SLC2A13: variants seen among roughly 807,000 people sequenced by gnomAD.
The protein encoded by SLC2A13 is proton myo-inositol cotransporter.
SLC2A13 carries 32 observed loss-of-function variants against 64.4 expected under a neutral mutation model. The ratio of observed to expected loss-of-function variants is 0.50; its 90% CI spans 0.37 to 0.67. The LOEUF (loss-of-function observed/expected upper bound fraction) is 0.67, where lower values mean the gene tolerates loss of function less well. Among genes scored for constraint, SLC2A13 ranks in the 30% least tolerant of loss-of-function variants. The pLI, the probability that SLC2A13 is intolerant of heterozygous loss-of-function variation, is 0.00. For synonymous variants in SLC2A13, 338 were observed against 327.1 expected (o/e 1.03, Z -0.36); for missense variants, 743 against 829.2 (o/e 0.90, Z 1.28).
chr12:39,847,470 T>C (rs1234321586), intron 6 of SLC2A13, among the ~76,000 whole-genome samples: 1 of 152,118 alleles, frequency 6.6e-6, no homozygotes. Context: ...CAGGAAGACT[T>C]CAAAGGGAGC....
chr12:39,846,236 T>C (rs887610831), intron 6 of SLC2A13, among the ~76,000 whole-genome samples: 4 of 152,150 alleles, frequency 2.6e-5, no homozygotes, highest in Non-Finnish European at 5.9e-5. Context: ...ATAGGTATTT[T>C]ATAGGTATTA....
chr12:40,080,843 T>C (rs773152078), intron 1 of SLC2A13, among the ~76,000 whole-genome samples: 3 of 152,232 alleles, frequency 2.0e-5, no homozygotes, highest in Non-Finnish European at 2.9e-5. Context: ...GATAATAGTA[T>C]TTCATTTCCA....
At chr12:39,925,705 A>G (rs1945715882) in intron 4 of SLC2A13, among the ~76,000 whole-genome samples, 1 of 152,200 alleles carries the variant, frequency 6.6e-6, no homozygotes. Flanking sequence ...CACTACTAGT[A>G]ATGCTAGCCC....
chr12:39,791,345 T>C (rs2135763956), intron 7 of SLC2A13, among the ~76,000 whole-genome samples: 1 of 66,962 alleles, frequency 1.5e-5, no homozygotes, highest in Admixed American at 1.9e-4. Flanking sequence ...ACCACTCCTA[T>C]TCAACATAGT....
intron 7 of SLC2A13, among the ~76,000 whole-genome samples, chr12:39,783,260 C>G (rs1163970395): frequency 1.3e-5 from 2 of 152,164 alleles, no homozygotes; most frequent in African/African-American, 4.8e-5. Flanking sequence ...TTTCTTAATT[C>G]ACTCTATCAC....
In SLC2A13 at chr12:39,871,787, C is replaced by A; in HGVS notation, c.1198+11G>T. 6.3e-7 allele frequency: 1 copy of A among 1,580,736 alleles called. No homozygotes were observed. The highest frequency in any genetic ancestry group is 1.4e-5 in the African/African-American group (1 of 73,172). ...AAAGTTTATAATTGAATTCTTTATC[C>A]AGCCACCTACCTGCTAAACTACCAA... On this transcript the variant is annotated intron_variant, in intron 5 of 9. Coordinates refer to ENST00000280871, the MANE Select transcript of SLC2A13 (RefSeq NM_052885.4).
At chr12:39,902,643 T>C (rs2136020802) in intron 4 of SLC2A13, among the ~76,000 whole-genome samples, 1 of 152,262 alleles carries the variant, frequency 6.6e-6, no homozygotes, top group African/African-American at 2.4e-5. Flanking sequence ...AGTTTGAACA[T>C]TTCAGTGGTA....
At chr12:39,827,161 T>A (rs1276100021) in intron 7 of SLC2A13, among the ~76,000 whole-genome samples, 1 of 151,878 alleles carries the variant, frequency 6.6e-6, no homozygotes, top group African/African-American at 2.4e-5. Context: ...TATGGATGTC[T>A]CCAGTTTAGG....
intron 1 of SLC2A13, among the ~76,000 whole-genome samples, chr12:40,085,652 G>A (rs751301874): frequency 6.6e-6 from 1 of 152,090 alleles, no homozygotes; most frequent in Non-Finnish European, 1.5e-5. Context: ...ATTGCAGAAG[G>A]GGCCTAAGTA....
chr12:40,027,056 G>A (rs1947823088), intron 3 of SLC2A13, among the ~76,000 whole-genome samples: 1 of 151,094 alleles, frequency 6.6e-6, no homozygotes, highest in Non-Finnish European at 1.5e-5. Flanking sequence ...CTCCAACCTG[G>A]GCAACAGAGT....
intron 4 of SLC2A13, among the ~76,000 whole-genome samples, chr12:39,896,604 GTA>G (rs1404168094): frequency 2.6e-5 from 4 of 151,016 alleles, no homozygotes; most frequent in Admixed American, 2.0e-4. Context: ...ATATATGTAT[GTA>G]TATGTGTTTA....
intron 4 of SLC2A13, among the ~76,000 whole-genome samples, chr12:39,896,446 ATATG>A (rs1327059690): frequency 7.6e-6 from 1 of 131,910 alleles, no homozygotes; most frequent in African/African-American, 3.1e-5. Context: ...ACATATATGT[ATATG>A]TGTGTATATA....
At chr12:40,048,995 A>G (rs1378859278) in intron 1 of SLC2A13, among the ~76,000 whole-genome samples, 1 of 152,172 alleles carries the variant, frequency 6.6e-6, no homozygotes, top group Non-Finnish European at 1.5e-5. Context: ...CTTACTGTGT[A>G]TTTAAAAACC....
intron 3 of SLC2A13, among the ~76,000 whole-genome samples, chr12:39,959,690 C>A (rs1285747035): frequency 1.3e-5 from 2 of 152,152 alleles, no homozygotes; most frequent in Non-Finnish European, 2.9e-5. Flanking sequence ...GAATTTCAAA[C>A]TTCTTAACAG....
intron 6 of SLC2A13, among the ~76,000 whole-genome samples, chr12:39,857,400 G>A (rs1943635273): frequency 6.6e-6 from 1 of 152,156 alleles, no homozygotes; most frequent in African/African-American, 2.4e-5. Flanking sequence ...CTTGCCCTAA[G>A]TATTTTCCAG....
At chr12:40,090,867 A>T (rs1465011931) in intron 1 of SLC2A13, among the ~76,000 whole-genome samples, 4 of 152,194 alleles carry the variant, frequency 2.6e-5, no homozygotes, top group African/African-American at 9.6e-5. Flanking sequence ...GAAGAAGTAA[A>T]AAACTCACTG....
chr12:39,976,860 T>C (rs1156922177), intron 3 of SLC2A13, among the ~76,000 whole-genome samples: 2 of 152,164 alleles, frequency 1.3e-5, no homozygotes, highest in Non-Finnish European at 2.9e-5. Context: ...TGGCACTTTC[T>C]GGCCTTATCA....
intron 1 of SLC2A13, among the ~76,000 whole-genome samples, chr12:40,066,530 C>T (rs934591917): frequency 1.3e-5 from 2 of 152,116 alleles, no homozygotes; most frequent in Non-Finnish European, 2.9e-5. Context: ...CAATAATAAT[C>T]CATCACTTAT....
At chr12:39,837,327 A>G (rs1314586954) in intron 6 of SLC2A13, among the ~76,000 whole-genome samples, 1 of 145,370 alleles carries the variant, frequency 6.9e-6, no homozygotes. Flanking sequence ...TACACCTTAT[A>G]CAAAAATCAA....
Sources: gnomAD v4.1 joint callset for allele counts (sites outside exome capture counted in the v4.1 genomes callset) on GRCh38, gnomAD v4.1.1 for gene constraint, MANE v1.5 for transcripts, NCBI Gene and HGNC (gene_info 2026-07-23, HGNC 2026-07-21) for gene names.